PCNX2: variants seen among roughly 807,000 people sequenced by gnomAD.
PCNX2 encodes pecanex-like protein 2.
In PCNX2, 168 loss-of-function variants were observed where a neutral mutation model predicts 223.8. The observed-to-expected ratio is 0.75, with a 90% CI of 0.66 to 0.85. PCNX2 has a LOEUF of 0.85. Ranked by LOEUF, PCNX2 falls within the 40% of genes least tolerant of loss-of-function variation. The pLI is 0.00. For synonymous variants in PCNX2, 1,006 were observed against 1,052.6 expected (o/e 0.96, Z 0.86); for missense variants, 2,507 against 2,675.5 (o/e 0.94, Z 1.39).
intron 1 of PCNX2, among the ~76,000 whole-genome samples, chr1:233,282,515 C>T (rs1661243441): frequency 6.6e-6 from 1 of 152,172 alleles, no homozygotes; most frequent in Admixed American, 6.5e-5. Context: ...TCCTTCATCT[C>T]AGTCAGTGGC....
intron 15 of PCNX2, among the ~76,000 whole-genome samples, chr1:233,198,689 C>G (rs899375504): frequency 1.3e-5 from 2 of 152,214 alleles, no homozygotes; most frequent in African/African-American, 4.8e-5. Flanking sequence ...TGTCACTAAC[C>G]GATCTTAGCA....
At chr1:233,044,857 T>G (rs181772201) in intron 25 of PCNX2, among the ~76,000 whole-genome samples, 17 of 152,118 alleles carry the variant, frequency 1.1e-4, no homozygotes, top group Non-Finnish European at 1.2e-4. Flanking sequence ...TTAGTAGAGA[T>G]GGGGTTTCAC....
At chr1:233,006,388 C>T (rs1368879218) in intron 28 of PCNX2, among the ~76,000 whole-genome samples, 1 of 152,046 alleles carries the variant, frequency 6.6e-6, no homozygotes, top group Non-Finnish European at 1.5e-5. Context: ...GCTGGGGCCT[C>T]AGTGCAAAGC....
chr1:233,300,095 A>C (rs1318381501), upstream of PCNX2, among the ~76,000 whole-genome samples: 3 of 152,094 alleles, frequency 2.0e-5, no homozygotes, highest in East Asian at 5.8e-4. Flanking sequence ...CAGCATGTCA[A>C]CATATCTACA....
intron 15 of PCNX2, among the ~76,000 whole-genome samples, chr1:233,193,064 A>G (rs930650492): frequency 1.4e-5 from 2 of 144,948 alleles, no homozygotes; most frequent in Non-Finnish European, 3.0e-5. Context: ...TATTATTATA[A>G]TTTATCAAAT....
intron 17 of PCNX2, among the ~76,000 whole-genome samples, chr1:233,171,379 T>C (rs545401116): frequency 6.6e-6 from 1 of 152,128 alleles, no homozygotes; most frequent in Non-Finnish European, 1.5e-5. Flanking sequence ...CAGAATTACA[T>C]GTAATGAGGG....
intron 17 of PCNX2, among the ~76,000 whole-genome samples, chr1:233,165,254 C>T (rs1301522645): frequency 1.3e-5 from 2 of 152,176 alleles, no homozygotes; most frequent in Non-Finnish European, 2.9e-5. Flanking sequence ...GTTCCAGTTG[C>T]TCCATAGTCT....
chr1:233,083,286 T>C (rs1673446162), intron 23 of PCNX2, among the ~76,000 whole-genome samples: 1 of 152,130 alleles, frequency 6.6e-6, no homozygotes, highest in Non-Finnish European at 1.5e-5. Context: ...CCATTTGGCC[T>C]GAAAAAGAGG....
intron 23 of PCNX2, among the ~76,000 whole-genome samples, chr1:233,076,513 T>C (rs963532986): frequency 6.6e-5 from 10 of 152,326 alleles, no homozygotes; most frequent in African/African-American, 2.4e-4. Flanking sequence ...ATGCCCATTA[T>C]ACCCGGTGCA....
At chr1:233,277,949 A>C (rs1660998846) in intron 1 of PCNX2, among the ~76,000 whole-genome samples, 1 of 152,218 alleles carries the variant, frequency 6.6e-6, no homozygotes, top group African/African-American at 2.4e-5. Flanking sequence ...GCCTGGATAC[A>C]AACTTATTTT....
chr1:233,025,356 G>A lies in PCNX2; in HGVS notation c.4395C>T (p.Gly1465=), dbSNP rs779755782. The A allele has an allele frequency of 5.0e-6, 8 of 1,613,820 alleles. No individual in the cohort carries two copies. Among genetic ancestry groups the A allele is most frequent in the South Asian group, 2.2e-5 (2 of 91,088 alleles). The change falls in exon 26 of 34, where the codon GGC becomes GGT. Residue 1465 remains glycine, a synonymous_variant. Transcript: ENST00000258229. Reference sequence around the variant, plus strand: ...AGCAGCAGCCTCTGTCCTCCTCGTCGCCCTCCATGATGGCTTCTACCTCCC... The same window carrying A: ...AGCAGCAGCCTCTGTCCTCCTCGTCACCCTCCATGATGGCTTCTACCTCCC... ...QQREVEAIME[G]DEEDRGCCCC... is the part of the protein sequence containing the mutation.
chr1:233,249,427 T>A (rs1659318931), intron 8 of PCNX2, among the ~76,000 whole-genome samples: 1 of 152,244 alleles, frequency 6.6e-6, no homozygotes, highest in East Asian at 1.9e-4. Context: ...AGCTGCCATC[T>A]TAGATGACTA....
At chr1:233,048,323 G>A (rs1671888681) in intron 25 of PCNX2, among the ~76,000 whole-genome samples, 1 of 152,154 alleles carries the variant, frequency 6.6e-6, no homozygotes. Context: ...TGAGTGTGGT[G>A]GCACACACCT....
At chr1:233,247,113 C>T (rs142386274) in intron 8 of PCNX2, among the ~76,000 whole-genome samples, 25 of 152,334 alleles carry the variant, frequency 1.6e-4, no homozygotes, top group Middle Eastern at 3.4e-3. Flanking sequence ...TCCAGAAGAT[C>T]GTCTGACGGA....
chr1:233,291,887 G>C, intron 1 of PCNX2: 1 of 984,148 alleles, frequency 1.0e-6, no homozygotes, highest in East Asian at 1.1e-4. Flanking sequence ...AGTGCTCTCA[G>C]AACTTACACA....
At chr1:233,128,795 G>A (rs1676253640) in intron 21 of PCNX2, among the ~76,000 whole-genome samples, 1 of 152,180 alleles carries the variant, frequency 6.6e-6, no homozygotes, top group South Asian at 2.1e-4. Context: ...TGTCACCAAT[G>A]AATAACAAAA....
chr1:233,107,994 A>G (rs1674895676), intron 21 of PCNX2, among the ~76,000 whole-genome samples: 1 of 152,078 alleles, frequency 6.6e-6, no homozygotes, highest in Admixed American at 6.5e-5. Flanking sequence ...TCACTGCTAC[A>G]CTCCCACCAG....
chr1:233,233,677 G>A (rs1658210475), intron 9 of PCNX2, among the ~76,000 whole-genome samples: 1 of 152,000 alleles, frequency 6.6e-6, no homozygotes, highest in Non-Finnish European at 1.5e-5. Flanking sequence ...GCAGAACATT[G>A]CGGGGGAAGC....
At position 233,259,340 on chromosome 1, in the gene PCNX2, G is replaced by T. The variant is rs1659925287; in HGVS notation, c.522C>A (p.Val174=). Residue 174 remains valine, a synonymous_variant, in exon 5 of 34, where the codon GTC becomes GTA. Coordinates refer to ENST00000258229, the MANE Select transcript of PCNX2 (RefSeq NM_014801.4). ...CTATGGGATGGTCTTCTAATAGAAT[G>T]ACACCTGAAATGACACATGGCAACT... ...AQETVEDLKG[V]ILLEDHPIAP... 1 of 1,607,754 alleles carries T rather than the reference G, an allele frequency of 6.2e-7. No individual in the cohort carries two copies. Among genetic ancestry groups the T allele is most frequent in the Non-Finnish European group, 8.5e-7 (1 of 1,176,230 alleles).
Sources: gnomAD v4.1 joint callset for allele counts (sites outside exome capture counted in the v4.1 genomes callset) on GRCh38, gnomAD v4.1.1 for gene constraint, MANE v1.5 for transcripts, NCBI Gene and HGNC (gene_info 2026-07-23, HGNC 2026-07-21) for gene names.